The following SGCZ variants were observed in gnomAD, a reference collection of about 807,000 sequenced individuals.
SGCZ encodes zeta-sarcoglycan.
Under a neutral mutation model 41.3 loss-of-function variants are expected in SGCZ, and 40 were observed. The ratio of observed to expected loss-of-function variants is 0.97; its 90% CI spans 0.75 to 1.26. SGCZ has a LOEUF of 1.26. SGCZ is among the 50% of genes most tolerant of loss of function. SGCZ has a pLI of 0.00. For synonymous variants in SGCZ, 206 were observed against 137.5 expected (o/e 1.50, Z -3.49); for missense variants, 552 against 369.8 (o/e 1.49, Z -4.04).
intron 1 of SGCZ, among the ~76,000 whole-genome samples, chr8:14,954,318 T>C (rs905593838): frequency 1.3e-5 from 2 of 152,218 alleles, no homozygotes; most frequent in African/African-American, 2.4e-5. Context: ...AGATTTGGAA[T>C]TACACACAGC....
intron 3 of SGCZ, among the ~76,000 whole-genome samples, chr8:14,240,534 C>A (rs1798844015): frequency 6.6e-6 from 1 of 152,032 alleles, no homozygotes; most frequent in Non-Finnish European, 1.5e-5. Context: ...TAAAATTTCA[C>A]TGTGATAGCA....
intron 1 of SGCZ, among the ~76,000 whole-genome samples, chr8:14,897,736 T>C (rs1805255380): frequency 6.6e-6 from 1 of 152,140 alleles, no homozygotes; most frequent in Non-Finnish European, 1.5e-5. Context: ...CAAATGGCCA[T>C]TCTCATCTTT....
chr8:15,228,510 T>C (rs1801845226), intron 1 of SGCZ, among the ~76,000 whole-genome samples: 1 of 152,192 alleles, frequency 6.6e-6, no homozygotes, highest in African/African-American at 2.4e-5. Context: ...TTGATTTTTA[T>C]AAAATAGATT....
intron 5 of SGCZ, among the ~76,000 whole-genome samples, chr8:14,148,631 T>C (rs900338076): frequency 2.0e-5 from 3 of 152,020 alleles, no homozygotes; most frequent in African/African-American, 7.2e-5. Context: ...TGAATACCAA[T>C]CTTACTCAAA....
rs73525080 is a variant in SGCZ, at chr8:15,120,283, A to T, written c.39+117302T>A. On this transcript the variant is annotated intron_variant, in intron 1 of 7. Coordinates refer to ENST00000382080, the MANE Select transcript of SGCZ (RefSeq NM_139167.4). ...AAAGCTATGTTTAAGCCTATTTAAA[A>T]TTGTAAGAAAATTTCATGTAATCAT... is the stretch of plus-strand genomic sequence containing the variant. 9.8e-3 allele frequency among the ~76,000 whole-genome samples: 1,497 copies of T among 152,378 alleles called. 21 individuals carry two copies. Among genetic ancestry groups the T allele is most frequent in the African/African-American group, 0.032 (1,351 of 41,590 alleles).
intron 4 of SGCZ, among the ~76,000 whole-genome samples, chr8:14,218,629 T>C (rs1372963994): frequency 6.6e-6 from 1 of 152,264 alleles, no homozygotes; most frequent in African/African-American, 2.4e-5. Flanking sequence ...TTTCTCACTT[T>C]ATTTTTTCTT....
At chr8:14,100,295 A>G (rs1801974050) in intron 7 of SGCZ, among the ~76,000 whole-genome samples, 1 of 150,960 alleles carries the variant, frequency 6.6e-6, no homozygotes, top group South Asian at 2.1e-4. Flanking sequence ...GATACCATGA[A>G]TAAATGAATA....
intron 4 of SGCZ, among the ~76,000 whole-genome samples, chr8:14,192,509 C>A (rs12680596): frequency 0.74 from 112,930 of 151,718 alleles, 42,862 homozygotes; most frequent in African/African-American, 0.88. Flanking sequence ...TTTTATAAAA[C>A]TTACCCATAC....
chr8:14,700,922 G>T (rs189409904), intron 1 of SGCZ, among the ~76,000 whole-genome samples: 1 of 151,904 alleles, frequency 6.6e-6, no homozygotes, highest in East Asian at 1.9e-4. Context: ...AAAGGGGGAA[G>T]GTTAGTAGGT....
At chr8:14,550,844 T>C (rs1803782893) in intron 2 of SGCZ, among the ~76,000 whole-genome samples, 1 of 152,052 alleles carries the variant, frequency 6.6e-6, no homozygotes, top group South Asian at 2.1e-4. Context: ...TATCGTAAAA[T>C]GATCTCTTGT....
intron 1 of SGCZ, among the ~76,000 whole-genome samples, chr8:15,078,948 T>A (rs1444304826): frequency 6.6e-6 from 1 of 152,158 alleles, no homozygotes; most frequent in Non-Finnish European, 1.5e-5. Flanking sequence ...TTATACCATT[T>A]TCTTAATGTT....
At chr8:14,358,038 T>A (rs1409994512) in intron 2 of SGCZ, among the ~76,000 whole-genome samples, 1 of 152,196 alleles carries the variant, frequency 6.6e-6, no homozygotes, top group Non-Finnish European at 1.5e-5. Flanking sequence ...CCCGTGTTTA[T>A]GCATGTATTC....
intron 1 of SGCZ, among the ~76,000 whole-genome samples, chr8:15,100,889 T>C (rs1482654263): frequency 3.3e-5 from 5 of 152,066 alleles, no homozygotes; most frequent in Non-Finnish European, 7.4e-5. Flanking sequence ...CACAGGAGGA[T>C]TGCTTGAGCC....
intron 2 of SGCZ, among the ~76,000 whole-genome samples, chr8:14,457,641 T>G (rs1042584091): frequency 1.3e-5 from 2 of 152,306 alleles, no homozygotes; most frequent in South Asian, 2.1e-4. Context: ...AGTAGTAAAT[T>G]AGTGAAAATA....
intron 2 of SGCZ, among the ~76,000 whole-genome samples, chr8:14,431,723 A>G (rs1799947077): frequency 6.6e-6 from 1 of 152,230 alleles, no homozygotes; most frequent in Non-Finnish European, 1.5e-5. Flanking sequence ...TGCACGGCAA[A>G]AAGAACAGTT....
chr8:14,178,265 T>C (rs931831853), intron 4 of SGCZ, among the ~76,000 whole-genome samples: 2 of 152,298 alleles, frequency 1.3e-5, no homozygotes, highest in African/African-American at 2.4e-5. Flanking sequence ...ATTTTGTTTT[T>C]CTTATACAGT....
intron 1 of SGCZ, among the ~76,000 whole-genome samples, chr8:15,181,602 T>C (rs1021364653): frequency 1.4e-4 from 21 of 152,176 alleles, no homozygotes; most frequent in African/African-American, 4.3e-4. Flanking sequence ...TATGTTGAAA[T>C]ATCAGTTCTT....
In SGCZ at chr8:14,090,543, ACTGT is replaced by A. The variant is rs1263346040; in HGVS notation, c.835_838del (p.Thr279CysfsTer19). On this transcript the variant is annotated frameshift_variant, in exon 8 of 8. Coordinates refer to ENST00000382080, the MANE Select transcript of SGCZ (RefSeq NM_139167.4). LOFTEE classifies it high-confidence loss of function. ...ATTGGGGCAGACGCAGAGTTCATAC[ACTGT>A]CTGTCGAGAACTTGAGGAGCTGGGT... The A allele has an allele frequency of 7.4e-6, 12 of 1,612,982 alleles. No individual in the cohort carries two copies. Among genetic ancestry groups the A allele is most frequent in the East Asian group, 2.2e-5 (1 of 44,854 alleles).
intron 1 of SGCZ, among the ~76,000 whole-genome samples, chr8:14,585,835 A>G (rs1585101721): frequency 6.6e-6 from 1 of 152,196 alleles, no homozygotes; most frequent in South Asian, 2.1e-4. Flanking sequence ...TTTCGTAGCA[A>G]ACCATGAACA....
Sources: gnomAD v4.1 joint callset for allele counts (sites outside exome capture counted in the v4.1 genomes callset) on GRCh38, gnomAD v4.1.1 for gene constraint, MANE v1.5 for transcripts, NCBI Gene and HGNC (gene_info 2026-07-23, HGNC 2026-07-21) for gene names.